Variants in GPRC5A observed in about 807,000 individuals in gnomAD.
GPRC5A encodes G protein-coupled receptor class C group 5 member A.
A neutral mutation model predicts 22.5 loss-of-function variants in GPRC5A; 19 were observed. The observed-to-expected ratio is 0.85, with a 90% CI of 0.59 to 1.24. GPRC5A has a LOEUF of 1.24. Ranked by LOEUF, GPRC5A falls within the 50% of genes most tolerant of loss-of-function variation. GPRC5A has a pLI of 0.00. For missense variants in GPRC5A, 471 were observed against 451.1 expected, an observed-to-expected ratio of 1.04 and a Z score of -0.40; for synonymous variants, 192 against 184.5, an observed-to-expected ratio of 1.04 and a Z score of -0.33.
At chr12:12,909,937 T>TAAAAAAAAA (rs1158941504) in intron 2 of GPRC5A, 13 of 95,324 alleles carry the variant, frequency 1.4e-4, no homozygotes, top group East Asian at 1.4e-3. Flanking sequence ...CATCTCTATT[T>TAAAAAAAAA]AAAAAAAAAA....
chr12:12,896,158 A>G (rs1863821016), intron 1 of GPRC5A, among the ~76,000 whole-genome samples: 1 of 152,158 alleles, frequency 6.6e-6, no homozygotes, highest in Non-Finnish European at 1.5e-5. Context: ...ATTTCATTTT[A>G]TATTCACATT....
chr12:12,912,467 AT>A lies in GPRC5A; in HGVS notation c.1004del (p.Phe335SerfsTer18). ...QLQNQPPQKE[F>X]SIPRAHAWPS... ...TTCAGAACCAGCCTCCCCAAAAGGA[AT>A]TCTCCATCCCACGGGCCCACGCTTG... On this transcript the variant is annotated frameshift_variant, in exon 4 of 4. Coordinates refer to ENST00000014914, the MANE Select transcript of GPRC5A (RefSeq NM_003979.4). LOFTEE classifies it high-confidence loss of function. 1 of 1,612,120 alleles carries A rather than the reference AT, an allele frequency of 6.2e-7. No homozygotes were observed. The highest frequency in any genetic ancestry group is 1.7e-4 in the Middle Eastern group (1 of 6,056).
intron 1 of GPRC5A, among the ~76,000 whole-genome samples, chr12:12,896,268 C>G (rs1409882829): frequency 6.6e-6 from 1 of 152,050 alleles, no homozygotes; most frequent in Non-Finnish European, 1.5e-5. Context: ...CGTGGTTATA[C>G]TTGTTTTGAT....
intron 1 of GPRC5A, among the ~76,000 whole-genome samples, chr12:12,900,246 C>T (rs1863867273): frequency 6.6e-6 from 1 of 152,154 alleles, no homozygotes; most frequent in Non-Finnish European, 1.5e-5. Flanking sequence ...GTGGCACATA[C>T]TCTTTTAATG....
chr12:12,909,258 A>G (rs1592351817), intron 2 of GPRC5A, 87 bp downstream of exon 2: 3 of 925,698 alleles, frequency 3.2e-6, no homozygotes, highest in Non-Finnish European at 1.6e-6. Flanking sequence ...GGAACATGCA[A>G]GATTTTCCAG....
chr12:12,894,772 G>GTTTTTTTTTTTTTTTTT (rs56794431), intron 1 of GPRC5A, among the ~76,000 whole-genome samples: 1 of 67,426 alleles, frequency 1.5e-5, no homozygotes, highest in Non-Finnish European at 2.6e-5. Context: ...GTCTAGGATG[G>GTTTTTTTTTTTTTTTTT]TTTTTTTTTT....
intron 3 of GPRC5A, 108 bp downstream of exon 3, chr12:12,912,250 T>C: frequency 2.2e-6 from 2 of 927,514 alleles, no homozygotes; most frequent in South Asian, 2.6e-5. Context: ...GATGGCCACT[T>C]GAAGGAATGA....
rs1033495352 is a variant in GPRC5A at position 12,915,774 on chromosome 12, T to C, written c.*3235T>C. The C allele has an allele frequency of 6.7e-6, 3 of 448,246 alleles. No individual in the cohort carries two copies. Among genetic ancestry groups the C allele is most frequent in the South Asian group, 4.9e-5 (3 of 61,074 alleles). 27.8% of individuals were successfully genotyped at this position (448,246 alleles called of 1,614,324 possible). On this transcript the variant is annotated 3_prime_UTR_variant, in exon 4 of 4. Transcript: ENST00000014914. ...GAAAGTGCTGGGATACCGTGGCCTCTGAAAGTGCTGGGATTACAGGCATGA... is the reference window on the plus strand; with the variant it reads ...GAAAGTGCTGGGATACCGTGGCCTCCGAAAGTGCTGGGATTACAGGCATGA...
At position 12,908,746 on chromosome 12, in the gene GPRC5A, C is replaced by T. The variant is rs750105451; in HGVS notation, c.497C>T (p.Ser166Phe). ...TMNRTNVNVF[S>F]ELSAPRRNED... ...AATAGGACCAACGTCAATGTCTTTTCTGAGCTTTCCGCTCCTCGTCGCAAT... is the reference window on the plus strand; with the variant it reads ...AATAGGACCAACGTCAATGTCTTTTTTGAGCTTTCCGCTCCTCGTCGCAAT... Residue 166 changes from serine (S) to phenylalanine (F), a missense_variant, in exon 2 of 4, where the codon TCT (serine) becomes TTT (phenylalanine). By Grantham distance (155) the Ser-to-Phe change is radical. Transcript: ENST00000014914. 23 of 1,614,224 alleles carry T rather than the reference C, an allele frequency of 1.4e-5. No homozygotes were observed. In the South Asian group the frequency reaches 2.5e-4, roughly 18 times the overall value.
intron 1 of GPRC5A, among the ~76,000 whole-genome samples, chr12:12,900,299 G>A (rs1863867698): frequency 3.9e-5 from 6 of 152,330 alleles, no homozygotes; most frequent in Admixed American, 3.9e-4. Context: ...GAGAAAGAAA[G>A]ACATCTGGAA....
In GPRC5A at chr12:12,914,304, T is replaced by C. The variant is rs189372806; in HGVS notation, c.*1765T>C. The C allele has an allele frequency of 2.4e-4, 36 of 153,000 alleles. No individual in the cohort carries two copies. Among genetic ancestry groups the C allele is most frequent in the African/African-American group, 8.2e-4 (34 of 41,528 alleles). The allele number at this position is 153,000 out of a possible 1,614,324, so 9.5% of individuals were successfully genotyped here. A position where few individuals can be genotyped will look rare whatever the true frequency, so the allele number is the denominator to read the frequency against. ...GATGATGTGCTGAGTTAGGGATGTT[T>C]ATATGCCGCAAAGGTTTGGTTGGTA... On this transcript the variant is annotated 3_prime_UTR_variant, in exon 4 of 4. Transcript: ENST00000014914.
At chr12:12,904,863 A>G (rs138046375) in intron 1 of GPRC5A, among the ~76,000 whole-genome samples, 1 of 148,078 alleles carries the variant, frequency 6.8e-6, no homozygotes, top group African/African-American at 2.5e-5. Context: ...TATCTCTTCT[A>G]GTGGAAAAGA....
chr12:12,910,012 T>A (rs1320166734), intron 2 of GPRC5A: 1 of 149,800 alleles, frequency 6.7e-6, no homozygotes, highest in African/African-American at 2.5e-5. Flanking sequence ...CCAGATGTTC[T>A]CGTGTTGTTT....
rs1864040196 is a variant in GPRC5A at position 12,914,564 on chromosome 12, C to CTT, written c.*2027_*2028dup. 1 of 66,174 alleles carries CTT rather than the reference C, an allele frequency of 1.5e-5. No individual in the cohort carries two copies. Among genetic ancestry groups the CTT allele is most frequent in the African/African-American group, 9.8e-5 (1 of 10,200 alleles). 4.1% of individuals were successfully genotyped at this position (66,174 alleles called of 1,614,324 possible). A position where few individuals can be genotyped will look rare whatever the true frequency, so the allele number is the denominator to read the frequency against. On this transcript the variant is annotated 3_prime_UTR_variant, in exon 4 of 4. Coordinates refer to ENST00000014914, the MANE Select transcript of GPRC5A (RefSeq NM_003979.4). ...TCCTTCCTTTCTTCTTTCTTTCTTT[C>CTT]TTTCTTTCTTTCTTTCTTTCTTTCT...
intron 1 of GPRC5A, among the ~76,000 whole-genome samples, chr12:12,903,299 T>C (rs1863908779): frequency 6.6e-6 from 1 of 152,146 alleles, no homozygotes; most frequent in South Asian, 2.1e-4. Flanking sequence ...TTTTTAAAAA[T>C]AGACACGGTC....
In GPRC5A at chr12:12,902,287, T is replaced by C. The variant is rs149900145; in HGVS notation, c.-7-5956T>C. On this transcript the variant is annotated intron_variant, in intron 1 of 3. Coordinates refer to ENST00000014914, the MANE Select transcript of GPRC5A (RefSeq NM_003979.4). Reference sequence around the variant, plus strand: ...GGTGGGGGAGGCTAACAGAGGTGAATTAAGAATGATAATTCCAAACTAATT... The same window carrying C: ...GGTGGGGGAGGCTAACAGAGGTGAACTAAGAATGATAATTCCAAACTAATT... 5.1e-4 allele frequency among the ~76,000 whole-genome samples: 77 copies of C among 151,936 alleles called. 1 individual carries two copies. Among genetic ancestry groups the C allele is most frequent in the African/African-American group, 1.8e-3 (73 of 41,422 alleles).
intron 1 of GPRC5A, among the ~76,000 whole-genome samples, chr12:12,896,105 T>G (rs1373247724): frequency 2.0e-5 from 3 of 152,082 alleles, no homozygotes; most frequent in Admixed American, 2.0e-4. Context: ...ATTTAGAAGC[T>G]TCACTCAAAT....
At chr12:12,910,462 G>A (rs1863992292) in intron 2 of GPRC5A, among the ~76,000 whole-genome samples, 2 of 152,058 alleles carry the variant, frequency 1.3e-5, no homozygotes, top group Non-Finnish European at 2.9e-5. Context: ...ATGCTTCTCT[G>A]GCCTCCATGC....
rs1306488841 is a variant in GPRC5A, at chr12:12,909,334, G to A, written c.922+163G>A. The stretch of plus-strand genomic sequence containing the variant: ...GATCTTGCTTAAAGTCGTCCAGCCT[G>A]TTAGAGACAAGTAGAACACGAAGCT... On this transcript the variant is annotated intron_variant, in intron 2 of 3. Coordinates refer to ENST00000014914, the MANE Select transcript of GPRC5A (RefSeq NM_003979.4). 4 of 591,294 alleles carry A rather than the reference G, an allele frequency of 6.8e-6. No individual in the cohort carries two copies. The South Asian group carries it at 9.3e-5, about 14-fold the overall frequency. The allele number at this position is 591,294 out of a possible 1,614,324, so 36.6% of individuals were successfully genotyped here.
Sources: allele counts gnomAD v4.1 joint callset (sites outside exome capture counted in the v4.1 genomes callset), GRCh38; gene constraint gnomAD v4.1.1; transcripts MANE v1.5; gene names NCBI Gene and HGNC (gene_info 2026-07-23, HGNC 2026-07-21).